ACTA1: variants seen among roughly 807,000 people sequenced by gnomAD.
The protein encoded by ACTA1 is actin, alpha skeletal muscle.
In ACTA1, 25 loss-of-function variants were observed where a neutral mutation model predicts 35.8. That is an observed-to-expected ratio of 0.70 (90% CI 0.51 to 0.97). The LOEUF is 0.97. ACTA1 is among the 50% of genes least tolerant of loss of function. The pLI, the probability that ACTA1 is intolerant of heterozygous loss-of-function variation, is 0.00. For synonymous variants in ACTA1, 219 were observed against 217.1 expected (o/e 1.01, Z -0.08); for missense variants, 174 against 533.0 (o/e 0.33, Z 6.63).
intron 1 of ACTA1, 138 bp from the exon 2 acceptor site, chr1:229,433,265 A>C: frequency 1.6e-6 from 2 of 1,279,798 alleles, no homozygotes; most frequent in Non-Finnish European, 2.2e-6. Flanking sequence ...AGCCACTCAA[A>C]TTCTGCCAGG....
intron 3 of ACTA1, 33 bp downstream of exon 3, chr1:229,432,523 C>A (rs779150156): frequency 9.5e-7 from 1 of 1,056,438 alleles, no homozygotes; most frequent in Non-Finnish European, 1.3e-6. Flanking sequence ...GGGGCGGGGG[C>A]GGGAGAGGGG....
intron 1 of ACTA1, 115 bp downstream of exon 1, chr1:229,433,889 C>T (rs957116147): frequency 6.5e-6 from 1 of 153,234 alleles, no homozygotes. Context: ...AGGCACAGCG[C>T]TCAGGGCGCA....
At position 229,433,045 on chromosome 1, in the gene ACTA1, G is replaced by T; in HGVS notation, c.71C>A (p.Ala24Asp). ...NGSGLVKAGFAGDDAPRAVFP... is the reference protein window; with the variant it reads ...NGSGLVKAGFDGDDAPRAVFP... ...CACGGCCCTAGGGGCGTCATCCCCG[G>T]CGAAGCCGGCTTTCACCAGGCCGGA... Residue 24 changes from alanine (A) to aspartate (D), a missense_variant, in exon 2 of 7, where the codon GCC (alanine) becomes GAC (aspartate). Coordinates refer to ENST00000366684, the MANE Select transcript of ACTA1 (RefSeq NM_001100.4). 6.2e-7 allele frequency: 1 copy of T among 1,613,950 alleles called. No individual in the cohort carries two copies. Among genetic ancestry groups the T allele is most frequent in the Middle Eastern group, 1.6e-4 (1 of 6,062 alleles).
At position 229,431,971 on chromosome 1, in the gene ACTA1, G is replaced by C; in HGVS notation, c.808+23C>G. ...GGGGGCCGGCGGGGCCTGGGGGCCG[G>C]GGCGAGGGCGAGCGGGGCTCACCGA... On this transcript the variant is annotated intron_variant, in intron 5 of 6. Coordinates refer to ENST00000366684, the MANE Select transcript of ACTA1 (RefSeq NM_001100.4). The surrounding 1 kb of genome is among the most constrained non-coding windows in gnomAD (Gnocchi z 7.1). The C allele has an allele frequency of 1.2e-6, 2 of 1,602,942 alleles. No individual in the cohort carries two copies. The highest frequency in any genetic ancestry group is 1.7e-6 in the Non-Finnish European group (2 of 1,174,878).
rs761252019 is a variant in ACTA1, at chr1:229,432,671, A to AT, written c.338dup (p.Asn113LysfsTer15). Reference sequence around the variant, plus strand: ...TCATCTTCTCGCGGTTGGCCTTGGGATTGAGGGGGGCCTCGGTGAGCAGGG... The same window carrying AT: ...TCATCTTCTCGCGGTTGGCCTTGGGATTTGAGGGGGGCCTCGGTGAGCAGGG... On this transcript the variant is annotated frameshift_variant, in exon 3 of 7. Transcript: ENST00000366684. LOFTEE classifies it high-confidence loss of function. The AT allele has an allele frequency of 6.2e-7, 1 of 1,613,878 alleles. No individual in the cohort carries two copies. Among genetic ancestry groups the AT allele is most frequent in the South Asian group, 1.1e-5 (1 of 91,056 alleles).
In ACTA1 at chr1:229,431,290, C is replaced by T; in HGVS notation, c.*209G>A. 1.4e-6 allele frequency: 1 copy of T among 706,934 alleles called. No individual in the cohort carries two copies. Among genetic ancestry groups the T allele is most frequent in the Non-Finnish European group, 2.4e-6 (1 of 422,958 alleles). 43.8% of individuals were successfully genotyped at this position (706,934 alleles called of 1,614,324 possible). On this transcript the variant is annotated 3_prime_UTR_variant, in exon 7 of 7. Coordinates refer to ENST00000366684, the MANE Select transcript of ACTA1 (RefSeq NM_001100.4). The surrounding 1 kb of genome is among the most constrained non-coding windows in gnomAD (Gnocchi z 7.1). ...GACTTTAATGCTTCTTCAAGTTTTC[C>T]ATTTTCTTCCACAGGGCTTTGTTTC...
Position 229,432,028 on chromosome 1 carries a change from G to A in ACTA1, c.774C>T (p.Arg258=), listed in dbSNP as rs755247915. The A allele has an allele frequency of 5.0e-6, 8 of 1,611,764 alleles. No individual in the cohort carries two copies. In the African/African-American group the frequency reaches 8.0e-5, roughly 16 times the overall value. ...QVITIGNERF[R]CPETLFQPSF... ...AGGGCTGGAAGAGCGTCTCCGGGCA[G>A]CGGAAGCGCTCGTTGCCGATGGTGA... The change falls in exon 5 of 7, where the codon CGC becomes CGT. Residue 258 remains arginine (R), a synonymous_variant. Coordinates refer to ENST00000366684, the MANE Select transcript of ACTA1 (RefSeq NM_001100.4).
chr1:229,431,283 A>C lies in ACTA1; in HGVS notation c.*216T>G. ...ACAGAATGACTTTAATGCTTCTTCA[A>C]GTTTTCCATTTTCTTCCACAGGGCT... is the stretch of plus-strand genomic sequence containing the variant. On this transcript the variant is annotated 3_prime_UTR_variant, in exon 7 of 7. Transcript: ENST00000366684. The surrounding 1 kb of genome is among the most constrained non-coding windows in gnomAD (Gnocchi z 7.1). The C allele has an allele frequency of 1.5e-6, 1 of 682,162 alleles. No homozygotes were observed. The highest frequency in any genetic ancestry group is 2.5e-6 in the Non-Finnish European group (1 of 402,458). 42.3% of individuals were successfully genotyped at this position (682,162 alleles called of 1,614,324 possible).
At position 229,432,961 on chromosome 1, in the gene ACTA1, C is replaced by T. The variant is rs750053890; in HGVS notation, c.129+26G>A. On this transcript the variant is annotated intron_variant, in intron 2 of 6. Transcript: ENST00000366684. Reference sequence around the variant, plus strand: ...GGCTTACGCGGGGACCCCGAGCCGGCTCCCTCTGCGGAGGGGCAGCCTGAC... The same window carrying T: ...GGCTTACGCGGGGACCCCGAGCCGGTTCCCTCTGCGGAGGGGCAGCCTGAC... The T allele has an allele frequency of 1.9e-6, 3 of 1,613,562 alleles. No homozygotes were observed. The African/African-American group carries it at 4.0e-5, about 22-fold the overall frequency.
intron 1 of ACTA1, among the ~76,000 whole-genome samples, chr1:229,433,389 C>T (rs1316185451): frequency 6.6e-6 from 1 of 152,198 alleles, no homozygotes; most frequent in Non-Finnish European, 1.5e-5. Flanking sequence ...TCCACATAGC[C>T]AGGGGAACAT....
In ACTA1 at chr1:229,432,274, G is replaced by A. The variant is rs1659961627; in HGVS notation, c.612C>T (p.Thr204=). Residue 204 remains threonine, a synonymous_variant, in exon 4 of 7, where the codon ACC becomes ACT. Transcript: ENST00000366684. ...ILTERGYSFV[T]TAEREIVRDI... is the part of the protein sequence containing the mutation. ...GGGTGCAGGGGCGCCGCGCACCTGT[G>A]GTCACGAAGGAGTAGCCACGCTCAG... is the stretch of plus-strand genomic sequence containing the variant. 6.2e-7 allele frequency: 1 copy of A among 1,613,730 alleles called. No homozygotes were observed. Among genetic ancestry groups the A allele is most frequent in the Non-Finnish European group, 8.5e-7 (1 of 1,179,832 alleles).
chr1:229,432,246 C>G, intron 4 of ACTA1, 24 bp downstream of exon 4: 1 of 1,613,148 alleles, frequency 6.2e-7, no homozygotes, highest in Middle Eastern at 1.7e-4. Context: ...GCCCTCCCGC[C>G]CGGGGTGCAG....
chr1:229,433,337 A>G (rs1263119947), intron 1 of ACTA1, among the ~76,000 whole-genome samples: 2 of 152,132 alleles, frequency 1.3e-5, no homozygotes, highest in African/African-American at 4.8e-5. Context: ...TGAACCAGGA[A>G]AAGGGGCACA....
rs1194800329 is a variant in ACTA1 at position 229,433,146 on chromosome 1, C to T, written c.-12-19G>A. 2.5e-6 allele frequency: 4 copies of T among 1,613,778 alleles called. No individual in the cohort carries two copies. The highest frequency in any genetic ancestry group is 1.1e-5 in the South Asian group (1 of 91,072). Reference sequence around the variant, plus strand: ...CTAGTTTCTGCAAGGACAGGGAGACCGCGAAGAGGCGCGGTGCATCAGCGC... The same window carrying T: ...CTAGTTTCTGCAAGGACAGGGAGACTGCGAAGAGGCGCGGTGCATCAGCGC... On this transcript the variant is annotated intron_variant, in intron 1 of 6. Coordinates refer to ENST00000366684, the MANE Select transcript of ACTA1 (RefSeq NM_001100.4).
In ACTA1 at chr1:229,432,049, G is replaced by A; in HGVS notation, c.753C>T (p.Thr251=). The change falls in exon 5 of 7, where the codon ACC becomes ACT. Residue 251 remains threonine, a synonymous_variant. Coordinates refer to ENST00000366684, the MANE Select transcript of ACTA1 (RefSeq NM_001100.4). ...GGCAGCGGAAGCGCTCGTTGCCGAT[G>A]GTGATGACCTGCCCGTCTGGCAGCT... ...SYELPDGQVI[T]IGNERFRCPE... is the part of the protein sequence containing the mutation. 6.2e-7 allele frequency: 1 copy of A among 1,612,304 alleles called. No individual in the cohort carries two copies.
Position 229,432,097 on chromosome 1 carries a change from G to A in ACTA1, c.705C>T (p.Ser235=), listed in dbSNP as rs1659955757. The part of the protein sequence containing the change: ...FENEMATAAS[S]SSLEKSYELP... ...GCTCGTAGCTCTTTTCCAGGGAGGA[G>A]GAGGAGGCGGCCGTCGCCATCTCGT... Residue 235 remains serine (S), a synonymous_variant, in exon 5 of 7, where the codon TCC becomes TCT. Transcript: ENST00000366684. The A allele has an allele frequency of 6.2e-7, 1 of 1,613,044 alleles. No homozygotes were observed. Among genetic ancestry groups the A allele is most frequent in the Admixed American group, 1.7e-5 (1 of 59,996 alleles).
Position 229,431,938 on chromosome 1 carries a change from G to C in ACTA1, c.809-36C>G. On this transcript the variant is annotated intron_variant, in intron 5 of 6. Transcript: ENST00000366684. This position sits in a 1 kb window ranked among gnomAD's most constrained non-coding sequence, Gnocchi z 7.1. The stretch of plus-strand genomic sequence containing the variant: ...CGGCGGGGAGCGTGAGCAGAAGCTC[G>C]GGGCGCCGGGGGCCGGCGGGGCCTG... The C allele has an allele frequency of 1.3e-6, 2 of 1,553,306 alleles. No homozygotes were observed. Among genetic ancestry groups the C allele is most frequent in the Non-Finnish European group, 8.6e-7 (1 of 1,156,196 alleles).
In ACTA1 at chr1:229,431,920, G is replaced by T. The variant is rs1036629663; in HGVS notation, c.809-18C>A. 2 of 1,610,358 alleles carry T rather than the reference G, an allele frequency of 1.2e-6. No homozygotes were observed. Among genetic ancestry groups the T allele is most frequent in the African/African-American group, 2.7e-5 (2 of 74,074 alleles). On this transcript the variant is annotated intron_variant, in intron 5 of 6. Transcript: ENST00000366684. The surrounding 1 kb of genome is among the most constrained non-coding windows in gnomAD (Gnocchi z 7.1). ...CTCCATACCTGGGGACCGCGGCGGG[G>T]AGCGTGAGCAGAAGCTCGGGGCGCC...
Position 229,431,976 on chromosome 1 carries a change from A to C in ACTA1, c.808+18T>G. 1.2e-6 allele frequency: 2 copies of C among 1,603,386 alleles called. No individual in the cohort carries two copies. Among genetic ancestry groups the C allele is most frequent in the Non-Finnish European group, 1.7e-6 (2 of 1,175,180 alleles). ...CCGGCGGGGCCTGGGGGCCGGGGCGAGGGCGAGCGGGGCTCACCGATGAAG... is the reference window on the plus strand; with the variant it reads ...CCGGCGGGGCCTGGGGGCCGGGGCGCGGGCGAGCGGGGCTCACCGATGAAG... On this transcript the variant is annotated intron_variant, in intron 5 of 6. Coordinates refer to ENST00000366684, the MANE Select transcript of ACTA1 (RefSeq NM_001100.4). The surrounding 1 kb of genome is among the most constrained non-coding windows in gnomAD (Gnocchi z 7.1).
Sources: gnomAD v4.1 joint callset for allele counts (sites outside exome capture counted in the v4.1 genomes callset) on GRCh38, gnomAD v4.1.1 for gene constraint, Gnocchi (gnomAD v3.1) non-coding constraint, MANE v1.5 for transcripts, NCBI Gene and HGNC (gene_info 2026-07-23, HGNC 2026-07-21) for gene names.